Variants in CCDC7 observed in about 807,000 individuals in gnomAD.
The protein encoded by CCDC7 is coiled-coil domain containing 7.
In CCDC7, 183 loss-of-function variants were observed where a neutral mutation model predicts 196.9. The ratio of observed to expected loss-of-function variants is 0.93; its 90% confidence interval spans 0.82 to 1.05. The LOEUF (loss-of-function observed/expected upper bound fraction) is 1.05. CCDC7 is among the 50% of genes least tolerant of loss of function. The pLI, the probability that CCDC7 is intolerant of heterozygous loss-of-function variation, is 0.00. For synonymous variants in CCDC7, 525 were observed against 484.6 expected (o/e 1.08, Z -1.10); for missense variants, 1,540 against 1,482.2 (o/e 1.04, Z -0.64).
At chr10:32,639,189 G>A (rs1289690570) in intron 20 of CCDC7, among the ~76,000 whole-genome samples, 1 of 151,956 alleles carries the variant, frequency 6.6e-6, no homozygotes, top group Non-Finnish European at 1.5e-5. Context: ...ACCACCTCTT[G>A]GATTCATTGA....
intron 18 of CCDC7, among the ~76,000 whole-genome samples, chr10:32,602,182 A>C (rs1208535908): frequency 6.6e-6 from 1 of 151,570 alleles, no homozygotes; most frequent in Non-Finnish European, 1.5e-5. Context: ...AAACAACTCC[A>C]GATGCGCCAC....
In CCDC7 at chr10:32,562,773, A is replaced by G. The variant is rs577312400; in HGVS notation, c.1135-2785A>G. Among the ~76,000 whole-genome samples, 8 of 152,154 alleles carry G rather than the reference A, an allele frequency of 5.3e-5. No individual in the cohort carries two copies. The East Asian group carries it at 1.5e-3, about 29-fold the overall frequency. On this transcript the variant is annotated intron_variant, in intron 13 of 41. Transcript: ENST00000639629. ...ATGCCCTCTCTCACCACTCCTATTC[A>G]ACATAGTGTTGGAAGTTCTGGCCAG...
chr10:32,501,783 C>A (rs1451251758), intron 9 of CCDC7, among the ~76,000 whole-genome samples: 1 of 152,228 alleles, frequency 6.6e-6, no homozygotes, highest in African/African-American at 2.4e-5. Flanking sequence ...TCGGCCCCTA[C>A]TGGGAGGTAT....
rs559280541 is a variant in CCDC7, at chr10:32,666,425, G to A, written c.2122+2264G>A. ...ACGTTCTAGGGTACATGTACACAAC[G>A]TGCAGGTTTGTTACATATATATACA... On this transcript the variant is annotated intron_variant, in intron 21 of 41. Coordinates refer to ENST00000639629, the Ensembl canonical transcript of CCDC7. Among the ~76,000 whole-genome samples, 32 of 151,962 alleles carry A rather than the reference G, an allele frequency of 2.1e-4. No homozygotes were observed. In the South Asian group the frequency reaches 5.6e-3, roughly 27 times the overall value.
chr10:32,592,319 T>G (rs947418022), intron 18 of CCDC7, among the ~76,000 whole-genome samples: 7 of 152,090 alleles, frequency 4.6e-5, no homozygotes, highest in African/African-American at 1.7e-4. Flanking sequence ...TTACCTATTG[T>G]TTTTCTGTTT....
chr10:32,493,134 A>G (rs980190782), intron 9 of CCDC7, among the ~76,000 whole-genome samples: 4 of 151,616 alleles, frequency 2.6e-5, no homozygotes, highest in Non-Finnish European at 5.9e-5. Flanking sequence ...GTCTAGCTGA[A>G]ATTTTGTACC....
chr10:32,490,232 G>C (rs1287273190), intron 8 of CCDC7, among the ~76,000 whole-genome samples: 1 of 152,124 alleles, frequency 6.6e-6, no homozygotes, highest in East Asian at 1.9e-4. Flanking sequence ...CCCTACCAAG[G>C]CCACTTTCAT....
chr10:32,705,217 T>C (rs1005970667), intron 24 of CCDC7, among the ~76,000 whole-genome samples: 6 of 152,078 alleles, frequency 3.9e-5, no homozygotes, highest in Non-Finnish European at 4.4e-5. Flanking sequence ...CCATCCAAAC[T>C]AAGCTTCATA....
chr10:32,757,624 G>A (rs1349371589), intron 28 of CCDC7, among the ~76,000 whole-genome samples: 2 of 152,230 alleles, frequency 1.3e-5, no homozygotes, highest in African/African-American at 2.4e-5. Flanking sequence ...GAAACTTATA[G>A]CACTAAATGC....
chr10:32,613,043 A>C (rs2062361585), intron 18 of CCDC7, among the ~76,000 whole-genome samples: 1 of 152,068 alleles, frequency 6.6e-6, no homozygotes, highest in African/African-American at 2.4e-5. Context: ...ACTGTGAAAC[A>C]TGTGGTCCTG....
intron 5 of CCDC7, among the ~76,000 whole-genome samples, chr10:32,470,298 A>C (rs181793768): frequency 6.6e-6 from 1 of 152,186 alleles, no homozygotes; most frequent in Admixed American, 6.5e-5. Context: ...CTCTGAATTT[A>C]GGGCAAGCAA....
intron 28 of CCDC7, among the ~76,000 whole-genome samples, chr10:32,774,404 G>A (rs2079639117): frequency 6.6e-6 from 1 of 152,088 alleles, no homozygotes; most frequent in Admixed American, 6.5e-5. Flanking sequence ...TAACCAGCTG[G>A]GAGACTGAAC....
Position 32,511,787 on chromosome 10 carries a change from G to A in CCDC7, c.873-6158G>A, listed in dbSNP as rs1483909004. 23 of 1,319,424 alleles carry A rather than the reference G, an allele frequency of 1.7e-5. No homozygotes were observed. The African/African-American group carries it at 1.9e-4, about 11-fold the overall frequency. The allele number at this position is 1,319,424 out of a possible 1,614,324, so 81.7% of individuals were successfully genotyped here. A position where few individuals can be genotyped will look rare whatever the true frequency, so the allele number is the denominator to read the frequency against. ...GACTCCAGCCTCCCGGAAAGCGGTC[G>A]GGCAACGATGACGACAATGACGCGC... On this transcript the variant is annotated intron_variant, in intron 9 of 41. Coordinates refer to ENST00000639629, the Ensembl canonical transcript of CCDC7.
intron 7 of CCDC7, 22 bp from the exon 9 acceptor site, chr10:32,473,945 G>A: frequency 6.3e-7 from 1 of 1,592,548 alleles, no homozygotes; most frequent in Non-Finnish European, 8.5e-7. Flanking sequence ...AGTTTATAGT[G>A]ACAAATACAC....
chr10:32,500,185 G>A (rs542237379), intron 9 of CCDC7, among the ~76,000 whole-genome samples: 1 of 151,728 alleles, frequency 6.6e-6, no homozygotes, highest in Non-Finnish European at 1.5e-5. Flanking sequence ...CGGCTGGGCA[G>A]AGGCGCCCCC....
intron 29 of CCDC7, among the ~76,000 whole-genome samples, chr10:32,796,566 A>G (rs1254653746): frequency 1.3e-5 from 2 of 152,186 alleles, no homozygotes; most frequent in African/African-American, 2.4e-5. Context: ...AGTTTCCTAA[A>G]CTTTCTGTGC....
intron 29 of CCDC7, among the ~76,000 whole-genome samples, chr10:32,779,504 A>G (rs1276453776): frequency 2.6e-5 from 4 of 152,236 alleles, no homozygotes; most frequent in Admixed American, 6.5e-5. Flanking sequence ...TGTGCTTATT[A>G]TTAAATTTGC....
At position 32,711,124 on chromosome 10, in the gene CCDC7, G is replaced by GTA. The variant is rs200969195; in HGVS notation, c.2459-495_2459-494insAT. Among the ~76,000 whole-genome samples, 297 of 143,930 alleles carry GTA rather than the reference G, an allele frequency of 2.1e-3. 2 individuals carry two copies. The highest frequency in any genetic ancestry group is 7.6e-3 in the African/African-American group (270 of 35,334). The allele number at this position is 143,930 out of a possible 152,430, so 94.4% of individuals were successfully genotyped here. A position where few individuals can be genotyped will look rare whatever the true frequency, so the allele number is the denominator to read the frequency against. On this transcript the variant is annotated intron_variant, in intron 24 of 41. Transcript: ENST00000639629. Reference sequence around the variant, plus strand: ...TTATACCATTGTTTCTGGTGTGTGTGTGTATATATATATAAATATATATAT... The same window carrying GTA: ...TTATACCATTGTTTCTGGTGTGTGTGTATGTATATATATATAAATATATATAT...
exon 41 of CCDC7, chr10:32,854,479 T>G: frequency 6.4e-7 from 1 of 1,561,978 alleles, no homozygotes; most frequent in Non-Finnish European, 8.8e-7. Flanking sequence ...TTGGAAAACC[T>G]ACCTATAAAG....
Sources: gnomAD v4.1 joint callset for allele counts (sites outside exome capture counted in the v4.1 genomes callset) on GRCh38, gnomAD v4.1.1 for gene constraint, MANE v1.5 for transcripts, NCBI Gene and HGNC (gene_info 2026-07-23, HGNC 2026-07-21) for gene names.